ADAMTS12: variants seen among roughly 807,000 people sequenced by gnomAD.
ADAMTS12 encodes the protein A disintegrin and metalloproteinase with thrombospondin motifs 12.
ADAMTS12 carries 118 observed loss-of-function variants against 167.8 expected under a neutral mutation model. That is an observed-to-expected ratio of 0.70 (90% confidence interval 0.61 to 0.82). The LOEUF (loss-of-function observed/expected upper bound fraction) is 0.82. Ranked by LOEUF, ADAMTS12 falls within the 40% of genes least tolerant of loss-of-function variation. The probability of loss-of-function intolerance (pLI) is 0.00; values close to 1 mark genes in which losing one functional copy is unlikely to be tolerated. For synonymous variants in ADAMTS12, 704 were observed against 716.9 expected, an observed-to-expected ratio of 0.98 and a Z score of 0.29; for missense variants, 1,916 against 1,998.8, an observed-to-expected ratio of 0.96 and a Z score of 0.79.
intron 2 of ADAMTS12, among the ~76,000 whole-genome samples, chr5:33,790,705 G>A (rs1378304560): frequency 6.7e-6 from 1 of 150,208 alleles, no homozygotes; most frequent in Non-Finnish European, 1.5e-5. Context: ...ACGCACATGT[G>A]TGCACATAGA....
intron 20 of ADAMTS12, among the ~76,000 whole-genome samples, chr5:33,556,928 T>A (rs897028537): frequency 6.6e-6 from 1 of 152,246 alleles, no homozygotes; most frequent in African/African-American, 2.4e-5. Flanking sequence ...TTCACCAGCC[T>A]GTGGCCCCCG....
intron 19 of ADAMTS12, among the ~76,000 whole-genome samples, chr5:33,563,242 C>T (rs1297689656): frequency 1.3e-5 from 2 of 152,144 alleles, no homozygotes; most frequent in Non-Finnish European, 2.9e-5. Context: ...TGGCCTGCAT[C>T]GTTCATACTT....
At chr5:33,753,014 T>C (rs1040841243) in intron 2 of ADAMTS12, among the ~76,000 whole-genome samples, 2 of 152,160 alleles carry the variant, frequency 1.3e-5, no homozygotes, top group South Asian at 4.1e-4. Flanking sequence ...ATAAGCACAA[T>C]AGAAAAAATA....
chr5:33,777,013 A>C (rs1745936972), intron 2 of ADAMTS12, among the ~76,000 whole-genome samples: 2 of 152,258 alleles, frequency 1.3e-5, no homozygotes, highest in African/African-American at 4.8e-5. Flanking sequence ...GTAGTGAATA[A>C]GGGATTGAAT....
chr5:33,875,997 A>G (rs547602736), intron 2 of ADAMTS12, among the ~76,000 whole-genome samples: 1 of 152,350 alleles, frequency 6.6e-6, no homozygotes, highest in East Asian at 1.9e-4. Flanking sequence ...ACAAAAATTA[A>G]TTATGTGTTT....
At chr5:33,527,505 T>G (rs1455724189) in intron 23 of ADAMTS12, 139 bp from the exon 24 acceptor site, 4 of 802,926 alleles carry the variant, frequency 5.0e-6, no homozygotes, top group Non-Finnish European at 7.8e-6. Flanking sequence ...TGGTATCTAC[T>G]GAATGTTTAT....
At chr5:33,798,575 G>T (rs1160153477) in intron 2 of ADAMTS12, among the ~76,000 whole-genome samples, 1 of 151,652 alleles carries the variant, frequency 6.6e-6, no homozygotes, top group African/African-American at 2.4e-5. Flanking sequence ...CGAGTAGCTG[G>T]GACTACAGGC....
Position 33,886,988 on chromosome 5 carries a change from C to T in ADAMTS12, c.127+4742G>A, listed in dbSNP as rs187090518. 5.3e-5 allele frequency among the ~76,000 whole-genome samples: 8 copies of T among 152,038 alleles called. No homozygotes were observed. The East Asian group carries it at 1.2e-3, about 22-fold the overall frequency. ...TTTTAAAGGTAGGAACTTGGCTACC[C>T]GGGATCACTGTGGACATAAACATGT... On this transcript the variant is annotated intron_variant, in intron 1 of 23. Coordinates refer to ENST00000504830, the MANE Select transcript of ADAMTS12 (RefSeq NM_030955.4).
chr5:33,535,045 A>G (rs1744313339), intron 22 of ADAMTS12, 53 bp from the exon 23 acceptor site: 2 of 1,525,412 alleles, frequency 1.3e-6, no homozygotes, highest in Admixed American at 2.2e-5. Flanking sequence ...ACTCCCAAGG[A>G]AACACCAGTA....
chr5:33,596,685 A>G (rs1380276840), intron 16 of ADAMTS12, among the ~76,000 whole-genome samples: 1 of 152,196 alleles, frequency 6.6e-6, no homozygotes, highest in African/African-American at 2.4e-5. Flanking sequence ...CTGTCTCCAA[A>G]ATACTACTGC....
intron 17 of ADAMTS12, among the ~76,000 whole-genome samples, chr5:33,594,411 G>A (rs1178707414): frequency 1.3e-5 from 2 of 152,102 alleles, no homozygotes; most frequent in Non-Finnish European, 1.5e-5. Context: ...TATCCTACTT[G>A]AGAGTGCATT....
intron 5 of ADAMTS12, among the ~76,000 whole-genome samples, chr5:33,672,742 C>T (rs974032499): frequency 6.6e-6 from 1 of 152,238 alleles, no homozygotes; most frequent in Non-Finnish European, 1.5e-5. Flanking sequence ...GACCCACCTT[C>T]ATCCTTGTGG....
intron 3 of ADAMTS12, among the ~76,000 whole-genome samples, chr5:33,710,486 C>T (rs1743357490): frequency 6.6e-6 from 1 of 152,172 alleles, no homozygotes. Context: ...TTGCCACTCT[C>T]TCCCTTTGAA....
At chr5:33,536,619 C>A (rs770517857) in intron 22 of ADAMTS12, among the ~76,000 whole-genome samples, 2 of 151,260 alleles carry the variant, frequency 1.3e-5, no homozygotes, top group Non-Finnish European at 2.9e-5. Context: ...ACGAGTGATT[C>A]CAAAGGCTGG....
At chr5:33,886,180 T>C (rs1452754613) in intron 1 of ADAMTS12, among the ~76,000 whole-genome samples, 2 of 152,238 alleles carry the variant, frequency 1.3e-5, no homozygotes, top group South Asian at 2.1e-4. Flanking sequence ...CTAGCACCTA[T>C]TGCCCAATAA....
intron 2 of ADAMTS12, among the ~76,000 whole-genome samples, chr5:33,861,930 T>C (rs1749631023): frequency 6.6e-6 from 1 of 152,110 alleles, no homozygotes; most frequent in Non-Finnish European, 1.5e-5. Flanking sequence ...AAATGACTAA[T>C]GGGTAAATAA....
intron 2 of ADAMTS12, among the ~76,000 whole-genome samples, chr5:33,866,248 T>C (rs78283953): frequency 2.0e-5 from 3 of 152,116 alleles, no homozygotes; most frequent in Admixed American, 6.5e-5. Flanking sequence ...AATAGATACA[T>C]AGGCCAATGG....
At chr5:33,738,290 G>A (rs986855417) in intron 3 of ADAMTS12, among the ~76,000 whole-genome samples, 3 of 141,888 alleles carry the variant, frequency 2.1e-5, no homozygotes, top group Middle Eastern at 7.0e-3. Flanking sequence ...CTCTGTGGCC[G>A]TTGGGACTGC....
rs1352391025 is a variant in ADAMTS12, at chr5:33,576,771, T to G, written c.3255A>C (p.Gly1085=). ...ELSSRYLIST[G]STSQPILTSQ... Reference sequence around the variant, plus strand: ...AAGTGAGGATGGGCTGGGAAGTGCTTCCAGTGGAAATGAGATAGCGAGAGC... The same window carrying G: ...AAGTGAGGATGGGCTGGGAAGTGCTGCCAGTGGAAATGAGATAGCGAGAGC... The change falls in exon 19 of 24, where the codon GGA becomes GGC. Residue 1085 remains glycine (G), a synonymous_variant. Transcript: ENST00000504830. 6.2e-7 allele frequency: 1 copy of G among 1,614,096 alleles called. No homozygotes were observed. The highest frequency in any genetic ancestry group is 8.5e-7 in the Non-Finnish European group (1 of 1,180,040).
Sources: allele counts gnomAD v4.1 joint callset (sites outside exome capture counted in the v4.1 genomes callset), GRCh38; gene constraint gnomAD v4.1.1; transcripts MANE v1.5; gene names NCBI Gene and HGNC (gene_info 2026-07-23, HGNC 2026-07-21).